SLF1: variants seen among roughly 807,000 people sequenced by gnomAD.
SLF1 encodes the protein SMC5-SMC6 complex localization factor protein 1.
SLF1 carries 105 observed loss-of-function variants against 123.0 expected under a neutral mutation model. The ratio of observed to expected loss-of-function variants is 0.85; its 90% CI spans 0.73 to 1.00. The LOEUF (loss-of-function observed/expected upper bound fraction) is 1.00. Ranked by LOEUF, SLF1 falls within the 50% of genes least tolerant of loss-of-function variation. The probability of loss-of-function intolerance (pLI) is 0.00; values close to 1 mark genes in which losing one functional copy is unlikely to be tolerated. For synonymous variants in SLF1, 434 were observed against 406.6 expected, an observed-to-expected ratio of 1.07 and a Z score of -0.81; for missense variants, 1,239 against 1,223.0, an observed-to-expected ratio of 1.01 and a Z score of -0.20.
At chr5:94,692,884 G>GC (rs1232447919) in intron 20 of SLF1, among the ~76,000 whole-genome samples, 2 of 152,060 alleles carry the variant, frequency 1.3e-5, no homozygotes, top group African/African-American at 2.4e-5. Context: ...TTTCAGCAAG[G>GC]CCCCACATTA....
chr5:94,683,614 C>T (rs913134953), intron 15 of SLF1, among the ~76,000 whole-genome samples: 1 of 152,106 alleles, frequency 6.6e-6, no homozygotes, highest in African/African-American at 2.4e-5. Context: ...CAGAAGGTAA[C>T]ATTTACCAAA....
intron 14 of SLF1, among the ~76,000 whole-genome samples, chr5:94,675,627 GAA>G (rs777952140): frequency 2.0e-5 from 3 of 152,094 alleles, no homozygotes; most frequent in Non-Finnish European, 4.4e-5. Flanking sequence ...AACCTGAGTT[GAA>G]AGTGTCTTTT....
chr5:94,683,774 G>A (rs1202514797), intron 15 of SLF1, among the ~76,000 whole-genome samples: 1 of 152,206 alleles, frequency 6.6e-6, no homozygotes, highest in Non-Finnish European at 1.5e-5. Flanking sequence ...AAACAAGAGA[G>A]TAGCATGATC....
At chr5:94,641,159 A>G (rs536482780) in intron 4 of SLF1, among the ~76,000 whole-genome samples, 38 of 152,264 alleles carry the variant, frequency 2.5e-4, no homozygotes, top group African/African-American at 6.3e-4. Flanking sequence ...AGCTAGTGCT[A>G]TGGTGAATGT....
intron 1 of SLF1, among the ~76,000 whole-genome samples, chr5:94,619,375 C>T (rs1205151429): frequency 6.6e-6 from 1 of 151,842 alleles, no homozygotes; most frequent in Non-Finnish European, 1.5e-5. Context: ...ATACACTTTT[C>T]GCTGAAGGGA....
At chr5:94,627,803 G>C (rs2152465533) in intron 1 of SLF1, among the ~76,000 whole-genome samples, 1 of 151,022 alleles carries the variant, frequency 6.6e-6, no homozygotes, top group South Asian at 2.1e-4. Context: ...ATTGTCTGTA[G>C]GTTTCAAAAG....
rs1561456116 is a variant in SLF1, at chr5:94,665,953, A to C, written c.1461A>C (p.Arg487Ser). 2.6e-6 allele frequency: 4 copies of C among 1,551,326 alleles called. No individual in the cohort carries two copies. The highest frequency in any genetic ancestry group is 2.6e-6 in the Non-Finnish European group (3 of 1,146,672). Residue 487 changes from arginine to serine, a missense_variant, in exon 12 of 21, where the codon AGA (arginine) becomes AGC (serine). Physicochemically the swap from Arg to Ser is moderately radical, Grantham distance 110. Transcript: ENST00000265140. ...CTTGGAAGTCTCCAGCCATGTCGAG[A>C]TATTATTTAGAGTTGTTTCAGTGTC... is the stretch of plus-strand genomic sequence containing the variant. ...HPPWKSPAMS[R>S]YYLELFQCPT...
At chr5:94,683,280 C>G (rs778231478) in intron 15 of SLF1, among the ~76,000 whole-genome samples, 6 of 152,140 alleles carry the variant, frequency 3.9e-5, no homozygotes, top group Non-Finnish European at 8.8e-5. Flanking sequence ...TCATTACTAA[C>G]TCTAAGCCAA....
chr5:94,691,628 T>C lies in SLF1; in HGVS notation c.2484T>C (p.Ser828=). Residue 828 remains serine, a synonymous_variant, in exon 19 of 21, where the codon TCT becomes TCC. Transcript: ENST00000265140. ...NQVEKLILLL[S]LPGIDINVKD... Reference sequence around the variant, plus strand: ...TGGAGAAATTGATTCTTCTTCTCTCTTTGCCAGGAATAGACATCAATGTTA... The same window carrying C: ...TGGAGAAATTGATTCTTCTTCTCTCCTTGCCAGGAATAGACATCAATGTTA... 1 of 1,611,962 alleles carries C rather than the reference T, an allele frequency of 6.2e-7. No homozygotes were observed. The highest frequency in any genetic ancestry group is 8.5e-7 in the Non-Finnish European group (1 of 1,179,340).
upstream of SLF1, chr5:94,618,544 T>C (rs1227231204): frequency 6.5e-6 from 1 of 153,234 alleles, no homozygotes; most frequent in Non-Finnish European, 1.5e-5. Flanking sequence ...CCTGACCCGC[T>C]GGCCAGACTC....
At chr5:94,683,448 C>T (rs554214479) in intron 15 of SLF1, among the ~76,000 whole-genome samples, 12 of 151,974 alleles carry the variant, frequency 7.9e-5, no homozygotes, top group African/African-American at 2.2e-4. Context: ...GAGAGATAAA[C>T]GGTAATTAAG....
At chr5:94,678,045 CGA>C (rs1332347029) in intron 14 of SLF1, among the ~76,000 whole-genome samples, 1 of 151,964 alleles carries the variant, frequency 6.6e-6, no homozygotes, top group Non-Finnish European at 1.5e-5. Context: ...CTCAGCCTCC[CGA>C]GTAGCTGGGA....
chr5:94,647,401 A>G (rs770928267), intron 5 of SLF1, among the ~76,000 whole-genome samples: 48 of 152,318 alleles, frequency 3.2e-4, no homozygotes, highest in Non-Finnish European at 5.4e-4. Flanking sequence ...TATTGGAATA[A>G]GACGTGGAGA....
intron 9 of SLF1, 38 bp from the exon 10 acceptor site, chr5:94,662,260 T>G (rs1561452538): frequency 6.6e-7 from 1 of 1,510,986 alleles, no homozygotes; most frequent in Non-Finnish European, 8.9e-7. Flanking sequence ...TTTTCAATCT[T>G]AAAATGTTGT....
intron 9 of SLF1, among the ~76,000 whole-genome samples, chr5:94,656,439 C>T (rs1388001214): frequency 6.6e-6 from 1 of 151,710 alleles, no homozygotes; most frequent in African/African-American, 2.4e-5. Flanking sequence ...AGGGATATTG[C>T]CCTGTAGTTT....
intron 7 of SLF1, among the ~76,000 whole-genome samples, chr5:94,652,891 C>T (rs984629269): frequency 6.6e-6 from 1 of 152,160 alleles, no homozygotes; most frequent in African/African-American, 2.4e-5. Flanking sequence ...GAGTTTCACT[C>T]TAGTTGCTCA....
intron 14 of SLF1, among the ~76,000 whole-genome samples, chr5:94,671,321 A>G (rs2152490384): frequency 6.6e-6 from 1 of 151,868 alleles, no homozygotes; most frequent in South Asian, 2.1e-4. Context: ...TTTAAAAATA[A>G]ATGAGTCAAT....
chr5:94,653,939 C>T lies in SLF1; in HGVS notation c.1032+518C>T, dbSNP rs1050281478. On this transcript the variant is annotated intron_variant, in intron 8 of 20. Transcript: ENST00000265140. ...TAATCCCAGCACTCTGGGAGGCCAACGGGGCAGATTGCTTGAGCTCTGCAG... is the reference window on the plus strand; with the variant it reads ...TAATCCCAGCACTCTGGGAGGCCAATGGGGCAGATTGCTTGAGCTCTGCAG... Among the ~76,000 whole-genome samples the T allele has an allele frequency of 7.9e-5, 12 of 151,880 alleles. No individual in the cohort carries two copies. The South Asian group carries it at 8.3e-4, about 11-fold the overall frequency.
At chr5:94,662,625 T>C (rs764161102) in intron 10 of SLF1, among the ~76,000 whole-genome samples, 5 of 152,238 alleles carry the variant, frequency 3.3e-5, no homozygotes, top group Non-Finnish European at 5.9e-5. Flanking sequence ...CCTGTTCTCA[T>C]GTTTCATAAC....
Sources: gnomAD v4.1 joint callset for allele counts (sites outside exome capture counted in the v4.1 genomes callset) on GRCh38, gnomAD v4.1.1 for gene constraint, MANE v1.5 for transcripts, NCBI Gene and HGNC (gene_info 2026-07-23, HGNC 2026-07-21) for gene names.